The following NAV3 variants were observed in gnomAD, a reference collection of about 807,000 sequenced individuals.
The protein encoded by NAV3 is neuron navigator 3.
In NAV3, 87 loss-of-function variants were observed where a neutral mutation model predicts 244.7. That is an observed-to-expected ratio of 0.36 (90% confidence interval 0.30 to 0.42). The LOEUF (loss-of-function observed/expected upper bound fraction) is 0.42, where lower values mean the gene tolerates loss of function less well. Among genes scored for constraint, NAV3 ranks in the 20% least tolerant of loss-of-function variants. The pLI is 1.00. For synonymous variants in NAV3, 1,126 were observed against 1,042.2 expected (o/e 1.08, Z -1.55); for missense variants, 2,663 against 2,893.3 (o/e 0.92, Z 1.83).
chr12:78,177,094 C>T (rs752888729), intron 26 of NAV3, 47 bp from the exon 27 acceptor site: 2 of 1,608,846 alleles, frequency 1.2e-6, no homozygotes, highest in Non-Finnish European at 1.7e-6. Flanking sequence ...AGCAAAAGCT[C>T]TCCAAGTGCA....
intron 8 of NAV3, among the ~76,000 whole-genome samples, chr12:78,008,043 T>C (rs1874543702): frequency 6.6e-6 from 1 of 152,198 alleles, no homozygotes; most frequent in South Asian, 2.1e-4. Flanking sequence ...AGGTCATGCA[T>C]ATAACATGTT....
chr12:77,978,208 C>G lies in NAV3; in HGVS notation c.671+9506C>G, dbSNP rs190833702. Among the ~76,000 whole-genome samples the G allele has an allele frequency of 3.1e-3, 467 of 152,196 alleles. 1 individual carries two copies. The highest frequency in any genetic ancestry group is 0.011 in the African/African-American group (446 of 41,540). On this transcript the variant is annotated intron_variant, in intron 5 of 39. Transcript: ENST00000397909. ...TCTTAATTTAAGAACTTAAGACACACTTTTTGCCATAAATATGTAGATAAC... is the reference window on the plus strand; with the variant it reads ...TCTTAATTTAAGAACTTAAGACACAGTTTTTGCCATAAATATGTAGATAAC...
At chr12:77,656,809 C>CA in intron 2 of NAV3, among the ~76,000 whole-genome samples, 1 of 151,956 alleles carries the variant, frequency 6.6e-6, no homozygotes, top group Middle Eastern at 3.4e-3. Context: ...GAAACTCACT[C>CA]AAAACCGCTC....
At chr12:77,598,600 A>G (rs920274408) in intron 2 of NAV3, among the ~76,000 whole-genome samples, 1 of 151,886 alleles carries the variant, frequency 6.6e-6, no homozygotes, top group African/African-American at 2.4e-5. Flanking sequence ...GATATGCAAA[A>G]ATCTGCATAT....
At chr12:77,641,055 G>A (rs979452306) in intron 2 of NAV3, among the ~76,000 whole-genome samples, 11 of 152,134 alleles carry the variant, frequency 7.2e-5, no homozygotes, top group Non-Finnish European at 2.9e-5. Context: ...CAAGGGTGGG[G>A]AGTAGGATGT....
chr12:77,707,483 T>A (rs2137233526), intron 2 of NAV3, among the ~76,000 whole-genome samples: 1 of 152,304 alleles, frequency 6.6e-6, no homozygotes, highest in South Asian at 2.1e-4. Context: ...TTGGTTGGTT[T>A]CAAGTCTTTG....
At chr12:77,751,972 CTCCTT>C (rs1400211953) in intron 2 of NAV3, among the ~76,000 whole-genome samples, 3 of 152,090 alleles carry the variant, frequency 2.0e-5, no homozygotes, top group Admixed American at 6.6e-5. Flanking sequence ...GTGAATATTT[CTCCTT>C]TCCAAGAATA....
intron 17 of NAV3, 125 bp from the exon 18 acceptor site, chr12:78,128,581 A>T: frequency 2.1e-6 from 2 of 931,538 alleles, no homozygotes; most frequent in Non-Finnish European, 1.6e-6. Flanking sequence ...GAGCAATTAT[A>T]ATTAGATTCA....
chr12:78,142,209 C>A (rs946714605), intron 20 of NAV3, among the ~76,000 whole-genome samples: 1 of 151,998 alleles, frequency 6.6e-6, no homozygotes, highest in African/African-American at 2.4e-5. Context: ...TTGTATAATA[C>A]CACATGCACC....
intron 2 of NAV3, among the ~76,000 whole-genome samples, chr12:77,716,517 T>G (rs955247545): frequency 1.3e-5 from 2 of 151,958 alleles, no homozygotes; most frequent in Non-Finnish European, 2.9e-5. Flanking sequence ...TCTAAAGGAT[T>G]GTAATAAACA....
At chr12:77,971,060 A>T (rs1285320611) in intron 5 of NAV3, among the ~76,000 whole-genome samples, 1 of 151,904 alleles carries the variant, frequency 6.6e-6, no homozygotes, top group African/African-American at 2.4e-5. Context: ...CCCTTTTAGG[A>T]AATTGTTTAT....
intron 1 of NAV3, among the ~76,000 whole-genome samples, chr12:77,888,339 T>C (rs1405424674): frequency 6.6e-6 from 1 of 152,044 alleles, no homozygotes; most frequent in Non-Finnish European, 1.5e-5. Flanking sequence ...TAGCCTGACA[T>C]AGTAGCATGT....
intron 2 of NAV3, among the ~76,000 whole-genome samples, chr12:77,804,275 G>A (rs935716694): frequency 1.1e-4 from 16 of 152,016 alleles, no homozygotes; most frequent in South Asian, 4.1e-4. Context: ...GGTTTTTATC[G>A]TTTTAGGTCT....
intron 1 of NAV3, among the ~76,000 whole-genome samples, chr12:77,873,935 G>A (rs993259465): frequency 6.6e-6 from 1 of 151,186 alleles, no homozygotes; most frequent in Non-Finnish European, 1.5e-5. Context: ...GAACCAGATT[G>A]CACAACCAGA....
chr12:77,836,285 T>G (rs1474370855), intron 1 of NAV3, among the ~76,000 whole-genome samples: 1 of 152,196 alleles, frequency 6.6e-6, no homozygotes, highest in African/African-American at 2.4e-5. Context: ...TGTGGAGCAC[T>G]TCCTGGCTTT....
At chr12:78,169,224 G>A (rs1157377362) in intron 24 of NAV3, among the ~76,000 whole-genome samples, 1 of 151,654 alleles carries the variant, frequency 6.6e-6, no homozygotes, top group African/African-American at 2.4e-5. Flanking sequence ...ACCCATTAAT[G>A]AGTATGATAA....
At chr12:77,989,192 T>C (rs965753788) in intron 5 of NAV3, among the ~76,000 whole-genome samples, 1 of 152,194 alleles carries the variant, frequency 6.6e-6, no homozygotes, top group Non-Finnish European at 1.5e-5. Context: ...TTTCTTGCTC[T>C]CTTTTAGACC....
chr12:78,058,408 G>T (rs1883831287), intron 11 of NAV3, among the ~76,000 whole-genome samples: 1 of 152,026 alleles, frequency 6.6e-6, no homozygotes, highest in East Asian at 1.9e-4. Context: ...AACAATATGG[G>T]GAAAACTATC....
At chr12:77,653,351 A>G (rs1872916855) in intron 2 of NAV3, among the ~76,000 whole-genome samples, 1 of 152,200 alleles carries the variant, frequency 6.6e-6, no homozygotes, top group Admixed American at 6.5e-5. Flanking sequence ...ATTCAGTAGA[A>G]CCCTAAAGAA....
Sources: gnomAD v4.1 joint callset for allele counts (sites outside exome capture counted in the v4.1 genomes callset) on GRCh38, gnomAD v4.1.1 for gene constraint, MANE v1.5 for transcripts, NCBI Gene and HGNC (gene_info 2026-07-23, HGNC 2026-07-21) for gene names.